RBFOX2: variants seen among roughly 807,000 people sequenced by gnomAD.
The protein encoded by RBFOX2 is RNA binding fox-1 homolog 2.
In RBFOX2, 10 loss-of-function variants were observed where a neutral mutation model predicts 49.1. The ratio of observed to expected loss-of-function variants is 0.20; its 90% CI spans 0.13 to 0.35. The LOEUF (loss-of-function observed/expected upper bound fraction) is 0.35. Ranked by LOEUF, RBFOX2 falls within the 10% of genes least tolerant of loss-of-function variation. The probability of loss-of-function intolerance (pLI) is 1.00; values close to 1 mark genes in which losing one functional copy is unlikely to be tolerated. For synonymous variants in RBFOX2, 183 were observed against 187.4 expected (o/e 0.98, Z 0.19); for missense variants, 323 against 486.9 (o/e 0.66, Z 3.17).
chr22:36,010,379 C>A (rs889917451), intron 1 of RBFOX2, among the ~76,000 whole-genome samples: 2 of 152,112 alleles, frequency 1.3e-5, no homozygotes, highest in Non-Finnish European at 2.9e-5. Flanking sequence ...GAAAGGAACA[C>A]CTTCCTCTGT....
At chr22:35,768,044 A>G (rs935215227) in intron 5 of RBFOX2, among the ~76,000 whole-genome samples, 3 of 151,778 alleles carry the variant, frequency 2.0e-5, no homozygotes, top group Non-Finnish European at 2.9e-5. Context: ...CAAAATTAAA[A>G]CCCCCAAACA....
At position 35,898,076 on chromosome 22, in the gene RBFOX2, C is replaced by T. The variant is rs1005004320; in HGVS notation, c.-34+40771G>A. On this transcript the variant is annotated intron_variant, in intron 1 of 13. Transcript: ENST00000359369. ...CGTCAGATAGAATCTTTATCTCTCG[C>T]GTCCCATTCCAGAAACAGAAGCTAG... 1.5e-4 allele frequency: 107 copies of T among 732,694 alleles called. 1 individual carries two copies. In the Admixed American group the frequency reaches 1.7e-3, roughly 11 times the overall value. The allele number at this position is 732,694 out of a possible 1,614,324, so 45.4% of individuals were successfully genotyped here.
intron 4 of RBFOX2, 195 bp downstream of exon 5, chr22:35,777,830 C>T (rs2147012087): frequency 1.7e-6 from 1 of 584,088 alleles, no homozygotes; most frequent in Non-Finnish European, 3.0e-6. Context: ...ATCACCCTTC[C>T]ACCCCCATAT....
At chr22:35,871,976 G>A (rs2044408417) in intron 1 of RBFOX2, among the ~76,000 whole-genome samples, 1 of 152,196 alleles carries the variant, frequency 6.6e-6, no homozygotes, top group Non-Finnish European at 1.5e-5. Flanking sequence ...TGTATCCATA[G>A]CTGGGCAGGG....
Position 35,924,368 on chromosome 22 carries a change from A to T in RBFOX2, c.-34+14479T>A, listed in dbSNP as rs112834682. ...AGGCTAAAGACACACTAAGGGAACA[A>T]AGATCCTAATGTAGTAATAGGAGAT... On this transcript the variant is annotated intron_variant, in intron 1 of 13. Transcript: ENST00000359369. Among the ~76,000 whole-genome samples the T allele has an allele frequency of 4.6e-3, 706 of 152,358 alleles. 8 individuals are homozygous for T. The highest frequency in any genetic ancestry group is 0.016 in the African/African-American group (648 of 41,586).
upstream of RBFOX2, among the ~76,000 whole-genome samples, chr22:35,940,173 AG>A (rs535074138): frequency 7.1e-4 from 108 of 152,368 alleles, no homozygotes; most frequent in Non-Finnish European, 1.3e-3. Flanking sequence ...AGCTTACTGC[AG>A]AGACCCTGTG....
At chr22:35,961,046 A>G (rs1266798168) in intron 1 of RBFOX2, among the ~76,000 whole-genome samples, 4 of 152,204 alleles carry the variant, frequency 2.6e-5, no homozygotes, top group Non-Finnish European at 4.4e-5. Flanking sequence ...TGTTCAGAAC[A>G]ACTGTCTTGA....
At chr22:36,026,534 G>T (rs1022755875) in intron 1 of RBFOX2, among the ~76,000 whole-genome samples, 31 of 129,148 alleles carry the variant, frequency 2.4e-4, no homozygotes, top group Non-Finnish European at 4.7e-5. Flanking sequence ...AATGATAAAT[G>T]AATACATACA....
chr22:35,745,394 AT>A (rs1309341878), intron 11 of RBFOX2, among the ~76,000 whole-genome samples: 1 of 150,516 alleles, frequency 6.6e-6, no homozygotes, highest in African/African-American at 2.5e-5. Flanking sequence ...ACAACACCAT[AT>A]TTTGCCACAA....
chr22:35,778,090 A>C lies in RBFOX2; in HGVS notation c.400-12T>G. 1 of 1,603,836 alleles carries C rather than the reference A, an allele frequency of 6.2e-7. No homozygotes were observed. The highest frequency in any genetic ancestry group is 8.5e-7 in the Non-Finnish European group (1 of 1,173,548). ...ATTTTGCCAAACTGCTGCAGAGATA[A>C]AAATAAAAACGTTTACTTATGGTCA... On this transcript the variant is annotated splice_polypyrimidine_tract_variant and intron_variant, in intron 3 of 11. Transcript: ENST00000405409.
upstream of RBFOX2, chr22:35,938,959 A>G (rs2053411161): frequency 1.4e-6 from 2 of 1,448,252 alleles, no homozygotes; most frequent in African/African-American, 2.8e-5. Flanking sequence ...GGCATAATCA[A>G]AATCATCCAA....
chr22:35,850,640 A>G (rs893592222), intron 1 of RBFOX2, among the ~76,000 whole-genome samples: 8 of 152,198 alleles, frequency 5.3e-5, no homozygotes, highest in Non-Finnish European at 1.0e-4. Context: ...CCACCCTGCC[A>G]TTATATACAA....
intron 1 of RBFOX2, chr22:35,994,371 C>T (rs1222968598): frequency 1.3e-5 from 2 of 150,616 alleles, no homozygotes; most frequent in Non-Finnish European, 1.5e-5. Flanking sequence ...TGAGTGCATC[C>T]TTTTATTTAT....
intron 1 of RBFOX2, among the ~76,000 whole-genome samples, chr22:35,927,797 G>A (rs1296701864): frequency 6.6e-6 from 1 of 152,020 alleles, no homozygotes; most frequent in Non-Finnish European, 1.5e-5. Flanking sequence ...CCAAGAGTCA[G>A]GTAAATAAAC....
At chr22:35,803,252 A>T (rs1017199238) in intron 2 of RBFOX2, among the ~76,000 whole-genome samples, 2 of 152,216 alleles carry the variant, frequency 1.3e-5, no homozygotes, top group African/African-American at 2.4e-5. Context: ...AATTTTCATT[A>T]AAAAATTACA....
chr22:35,939,486 C>T (rs2053477694), upstream of RBFOX2, among the ~76,000 whole-genome samples: 1 of 152,060 alleles, frequency 6.6e-6, no homozygotes, highest in African/African-American at 2.4e-5. Context: ...TGAAATCTGA[C>T]CTCTGTTCAA....
At chr22:36,020,227 C>T (rs1454315815) in intron 1 of RBFOX2, among the ~76,000 whole-genome samples, 1 of 152,170 alleles carries the variant, frequency 6.6e-6, no homozygotes, top group Non-Finnish European at 1.5e-5. Flanking sequence ...CCCTTCCTTA[C>T]ACCTTATACA....
At chr22:35,869,991 A>C (rs1400680771) in intron 1 of RBFOX2, among the ~76,000 whole-genome samples, 1 of 152,216 alleles carries the variant, frequency 6.6e-6, no homozygotes, top group Non-Finnish European at 1.5e-5. Flanking sequence ...TCTTACTCTA[A>C]CACTGAATTC....
At chr22:35,787,965 A>T (rs1268908713) in intron 2 of RBFOX2, among the ~76,000 whole-genome samples, 1 of 152,216 alleles carries the variant, frequency 6.6e-6, no homozygotes, top group Non-Finnish European at 1.5e-5. Flanking sequence ...TCTACCCTTC[A>T]AACAACTCAT....
Sources: gnomAD v4.1 joint callset for allele counts (sites outside exome capture counted in the v4.1 genomes callset) on GRCh38, gnomAD v4.1.1 for gene constraint, MANE v1.5 for transcripts, NCBI Gene and HGNC (gene_info 2026-07-23, HGNC 2026-07-21) for gene names.